LMO7: variants seen among roughly 807,000 people sequenced by gnomAD.
LMO7 encodes the protein LIM domain only protein 7.
A neutral mutation model predicts 206.5 loss-of-function variants in LMO7; 120 were observed. The observed-to-expected ratio is 0.58, with a 90% CI of 0.50 to 0.68. The LOEUF is 0.68. LMO7 is among the 30% of genes least tolerant of loss of function. LMO7 has a pLI of 0.00. For synonymous variants in LMO7, 706 were observed against 681.5 expected (o/e 1.04, Z -0.56); for missense variants, 1,959 against 1,957.9 (o/e 1.00, Z -0.01).
chr13:75,790,427 G>C (rs188557644), intron 4 of LMO7, among the ~76,000 whole-genome samples: 3 of 152,274 alleles, frequency 2.0e-5, no homozygotes, highest in Non-Finnish European at 4.4e-5. Context: ...GCTAGTGAAA[G>C]TGGAGCCAGA....
At chr13:75,728,817 G>T (rs1220088511) in intron 3 of LMO7, among the ~76,000 whole-genome samples, 5 of 138,880 alleles carry the variant, frequency 3.6e-5, no homozygotes, top group East Asian at 2.1e-4. Context: ...GTGTAAGGAA[G>T]GGATCCAGTT....
intron 9 of LMO7, 144 bp downstream of exon 9, chr13:75,805,904 A>G (rs1020698020): frequency 8.8e-7 from 1 of 1,131,854 alleles, no homozygotes; most frequent in Non-Finnish European, 1.2e-6. Context: ...TATAATGGAA[A>G]TGAATTTCTG....
At chr13:75,790,962 A>G (rs1179326269) in intron 4 of LMO7, among the ~76,000 whole-genome samples, 3 of 149,680 alleles carry the variant, frequency 2.0e-5, no homozygotes, top group South Asian at 2.1e-4. Context: ...TTTTGCAACT[A>G]TTAATATTTC....
intron 1 of LMO7, among the ~76,000 whole-genome samples, chr13:75,680,503 C>T (rs1303567150): frequency 2.0e-5 from 3 of 152,208 alleles, no homozygotes; most frequent in Admixed American, 6.5e-5. Context: ...AACTAATTTA[C>T]ATTCCTTCCA....
At position 75,746,646 on chromosome 13, in the gene LMO7, G is replaced by A. The variant is rs138041905; in HGVS notation, c.211-14286G>A. ...CCCTAAAGCGACCATTATATGGGAT[G>A]TCCTGTAGACGGGAGTTTCTGGCTT... is the stretch of plus-strand genomic sequence containing the variant. On this transcript the variant is annotated intron_variant, in intron 3 of 30. Coordinates refer to ENST00000377534, the MANE Select transcript of LMO7 (RefSeq NM_001306080.2). Among the ~76,000 whole-genome samples, 277 of 152,308 alleles carry A rather than the reference G, an allele frequency of 1.8e-3. 4 individuals are homozygous for A. The East Asian group carries it at 0.039, about 21-fold the overall frequency.
intron 1 of LMO7, among the ~76,000 whole-genome samples, chr13:75,644,270 T>C (rs1312180676): frequency 6.6e-6 from 1 of 152,128 alleles, no homozygotes; most frequent in Non-Finnish European, 1.5e-5. Flanking sequence ...TTACTGAGGA[T>C]GTTCTTTTCC....
rs563164533 is a variant in LMO7 at position 75,680,455 on chromosome 13, T to C, written c.70-32727T>C. Among the ~76,000 whole-genome samples, 51 of 152,326 alleles carry C rather than the reference T, an allele frequency of 3.3e-4. 1 individual carries two copies. The highest frequency in any genetic ancestry group is 5.3e-4 in the Non-Finnish European group (36 of 68,022). On this transcript the variant is annotated intron_variant, in intron 1 of 30. Transcript: ENST00000377534. ...GTGAAATCATATTTCTGGTTCTAAGTCTTTGAGTAATTGCCACACTGTCTT... is the reference window on the plus strand; with the variant it reads ...GTGAAATCATATTTCTGGTTCTAAGCCTTTGAGTAATTGCCACACTGTCTT...
At chr13:75,838,110 T>A (rs1228509634) in intron 19 of LMO7, 30 bp from the exon 20 acceptor site, 6 of 1,305,886 alleles carry the variant, frequency 4.6e-6, no homozygotes, top group Non-Finnish European at 6.6e-6. Context: ...TAAAAATGAA[T>A]GACATAGTGT....
chr13:75,623,236 T>G (rs774658091), intron 1 of LMO7: 2 of 1,081,870 alleles, frequency 1.8e-6, no homozygotes, highest in Non-Finnish European at 2.8e-6. Context: ...TCTGTATTGG[T>G]TTTTTAACTT....
At chr13:75,834,550 G>C (rs2058961118) in intron 17 of LMO7, among the ~76,000 whole-genome samples, 163 bp downstream of exon 17, 1 of 148,224 alleles carries the variant, frequency 6.7e-6, no homozygotes, top group Non-Finnish European at 1.5e-5. Flanking sequence ...CTACCCCTTT[G>C]AATACTCTGT....
At chr13:75,728,171 T>C (rs1460775732) in intron 3 of LMO7, among the ~76,000 whole-genome samples, 2 of 152,222 alleles carry the variant, frequency 1.3e-5, no homozygotes, top group Non-Finnish European at 2.9e-5. Context: ...ATGGTATTTC[T>C]CGTTCTAGAT....
At chr13:75,785,196 A>G (rs2052220421) in intron 4 of LMO7, among the ~76,000 whole-genome samples, 1 of 152,174 alleles carries the variant, frequency 6.6e-6, no homozygotes. Flanking sequence ...TGATGAAGAT[A>G]ACTTTTTGGG....
At chr13:75,751,718 T>C (rs1438133547) in intron 3 of LMO7, among the ~76,000 whole-genome samples, 2 of 152,182 alleles carry the variant, frequency 1.3e-5, no homozygotes, top group Non-Finnish European at 2.9e-5. Context: ...CTTGTCTCTA[T>C]TTTTACACTG....
At chr13:75,826,161 C>T (rs1402183460) in intron 15 of LMO7, among the ~76,000 whole-genome samples, 1 of 152,132 alleles carries the variant, frequency 6.6e-6, no homozygotes, top group African/African-American at 2.4e-5. Context: ...CCACCTTAGC[C>T]TCTTGAGTAG....
chr13:75,737,517 G>A (rs1793017695), intron 3 of LMO7, among the ~76,000 whole-genome samples: 1 of 149,640 alleles, frequency 6.7e-6, no homozygotes, highest in Non-Finnish European at 1.5e-5. Flanking sequence ...ACTCTGGGAG[G>A]CCGAGGCGGG....
chr13:75,835,391 G>A, intron 18 of LMO7, 52 bp downstream of exon 18: 1 of 1,172,634 alleles, frequency 8.5e-7, no homozygotes. Flanking sequence ...GCAGCTGTTA[G>A]AATTGTGTAT....
chr13:75,785,062 G>T (rs1014009108), intron 4 of LMO7, among the ~76,000 whole-genome samples: 1 of 152,190 alleles, frequency 6.6e-6, no homozygotes, highest in Middle Eastern at 3.4e-3. Context: ...TCTAAATTTT[G>T]TCAGAAAAAA....
intron 1 of LMO7, among the ~76,000 whole-genome samples, chr13:75,648,183 A>G (rs1429216924): frequency 6.6e-6 from 1 of 152,050 alleles, no homozygotes; most frequent in Non-Finnish European, 1.5e-5. Flanking sequence ...CCTGGCCTTC[A>G]GCGATCCTCC....
chr13:75,786,674 C>T (rs145677454), intron 4 of LMO7, among the ~76,000 whole-genome samples: 25 of 152,206 alleles, frequency 1.6e-4, no homozygotes, highest in Admixed American at 2.0e-4. Flanking sequence ...CGTGAGCCAC[C>T]GCGCCCGGCC....
Sources: allele counts gnomAD v4.1 joint callset (sites outside exome capture counted in the v4.1 genomes callset), GRCh38; gene constraint gnomAD v4.1.1; transcripts MANE v1.5; gene names NCBI Gene and HGNC (gene_info 2026-07-23, HGNC 2026-07-21).